The following FOXN3 variants were observed in gnomAD, a reference collection of about 807,000 sequenced individuals.
FOXN3 encodes forkhead box protein N3.
A neutral mutation model predicts 38.4 loss-of-function variants in FOXN3; 7 were observed. The observed-to-expected ratio is 0.18, with a 90% CI of 0.10 to 0.34. The LOEUF (loss-of-function observed/expected upper bound fraction) is 0.34. Ranked by LOEUF, FOXN3 falls within the 10% of genes least tolerant of loss-of-function variation. The pLI is 1.00. For missense variants in FOXN3, 456 were observed against 613.4 expected (o/e 0.74, Z 2.71); for synonymous variants, 230 against 242.2 (o/e 0.95, Z 0.47).
In FOXN3 at chr14:89,566,926, C is replaced by T. The variant is rs1304848345; in HGVS notation, c.-15+52102G>A. Among the ~76,000 whole-genome samples the T allele has an allele frequency of 3.3e-5, 5 of 151,952 alleles. No individual in the cohort carries two copies. In the East Asian group the frequency reaches 9.6e-4, roughly 29 times the overall value. ...TCCTTCTCCCCTCTTCCTCCTCCTC[C>T]CTTGCCTTTTTTCCTCTAAGGTGGG... On this transcript the variant is annotated intron_variant, in intron 1 of 6. Coordinates refer to the FOXN3 transcript ENST00000345097.
At chr14:89,308,898 A>G (rs1362770829) in intron 3 of FOXN3, among the ~76,000 whole-genome samples, 1 of 152,152 alleles carries the variant, frequency 6.6e-6, no homozygotes, top group South Asian at 2.1e-4. Flanking sequence ...AATGGAACCC[A>G]GGCAGAGGAG....
chr14:89,277,868 C>T (rs1304581608), intron 4 of FOXN3, among the ~76,000 whole-genome samples: 1 of 152,194 alleles, frequency 6.6e-6, no homozygotes, highest in African/African-American at 2.4e-5. Context: ...AGGTTCCGCG[C>T]TGTTGCTATG....
rs577961671 is a variant in FOXN3 at position 89,475,430 on chromosome 14, A to G, written c.-14-62940T>C. Among the ~76,000 whole-genome samples the G allele has an allele frequency of 3.3e-5, 5 of 152,128 alleles. No individual in the cohort carries two copies. In the South Asian group the frequency reaches 1.0e-3, roughly 32 times the overall value. ...CAGCACATTGGGAGGCTGAGGTGGG[A>G]GGATTGCTTGAGCTCAGGAGTTCAA... On this transcript the variant is annotated intron_variant, in intron 1 of 6. Coordinates refer to the FOXN3 transcript ENST00000345097.
At chr14:89,194,522 T>C (rs1207513381) in intron 4 of FOXN3, among the ~76,000 whole-genome samples, 1 of 152,138 alleles carries the variant, frequency 6.6e-6, no homozygotes, top group Non-Finnish European at 1.5e-5. Context: ...CTGGACTCTC[T>C]GCTAGAACGT....
At chr14:89,364,098 G>C (rs2140047139) in intron 2 of FOXN3, among the ~76,000 whole-genome samples, 1 of 149,054 alleles carries the variant, frequency 6.7e-6, no homozygotes, top group East Asian at 1.9e-4. Flanking sequence ...TTGGGGAAAT[G>C]TTTACACTTC....
At chr14:89,424,467 G>A (rs1318892270) in intron 1 of FOXN3, among the ~76,000 whole-genome samples, 2 of 152,162 alleles carry the variant, frequency 1.3e-5, no homozygotes, top group Non-Finnish European at 2.9e-5. Context: ...GTGTTATGAG[G>A]TCTATTGTCT....
At chr14:89,398,400 A>G (rs1350765969) in intron 2 of FOXN3, among the ~76,000 whole-genome samples, 1 of 152,186 alleles carries the variant, frequency 6.6e-6, no homozygotes, top group Non-Finnish European at 1.5e-5. Context: ...TAGAGTTCAT[A>G]ATTTCTGGTA....
rs1470333377 is a variant in FOXN3, at chr14:89,160,193, T to C, written c.*2221A>G. ...CACTTGGATGGAAGATCATATTCTT[T>C]TAGAGATTTCTCTTTGTACCCCCGC... On this transcript the variant is annotated 3_prime_UTR_variant, in exon 6 of 6. Transcript: ENST00000557258. 6.6e-6 allele frequency: 1 copy of C among 151,788 alleles called. No individual in the cohort carries two copies. Among genetic ancestry groups the C allele is most frequent in the Admixed American group, 6.6e-5 (1 of 15,246 alleles). The allele number at this position is 151,788 out of a possible 1,614,324, so 9.4% of individuals were successfully genotyped here. A position where few individuals can be genotyped will look rare whatever the true frequency, so the allele number is the denominator to read the frequency against.
rs1028994512 is a variant in FOXN3 at position 89,162,025 on chromosome 14, T to C, written c.*389A>G. 1.8e-5 allele frequency: 3 copies of C among 164,518 alleles called. No homozygotes were observed. Among genetic ancestry groups the C allele is most frequent in the African/African-American group, 7.2e-5 (3 of 41,650 alleles). The allele number at this position is 164,518 out of a possible 1,614,324, so 10.2% of individuals were successfully genotyped here. A position where few individuals can be genotyped will look rare whatever the true frequency, so the allele number is the denominator to read the frequency against. On this transcript the variant is annotated 3_prime_UTR_variant, in exon 6 of 6. Transcript: ENST00000557258. This position sits in a 1 kb window ranked among gnomAD's most constrained non-coding sequence, Gnocchi z 7.2. ...CTGAACGATGATTACTTTGCCCACG[T>C]GCCTTCTAGGTGCCGAATGTGTGTT...
upstream of FOXN3, chr14:89,419,822 G>A (rs1566649971): frequency 2.0e-5 from 3 of 152,274 alleles, no homozygotes; most frequent in African/African-American, 7.2e-5. Context: ...AGAGCAGCAT[G>A]GCTATTTATG....
intron 1 of FOXN3, among the ~76,000 whole-genome samples, chr14:89,433,889 A>G (rs892670616): frequency 6.6e-6 from 1 of 151,306 alleles, no homozygotes. Flanking sequence ...ATCCAGGGCA[A>G]TGGTCACACA....
At chr14:89,575,251 C>CT (rs1895583877) in intron 1 of FOXN3, among the ~76,000 whole-genome samples, 1 of 152,162 alleles carries the variant, frequency 6.6e-6, no homozygotes, top group African/African-American at 2.4e-5. Flanking sequence ...TAAGATCACT[C>CT]TAAGATGACC....
At chr14:89,290,353 A>T in intron 3 of FOXN3, 3 of 376,928 alleles carry the variant, frequency 8.0e-6, no homozygotes. Flanking sequence ...CGAGTTAGGT[A>T]TGTGTGGCAA....
At chr14:89,566,057 CT>C (rs1462269076) in intron 1 of FOXN3, among the ~76,000 whole-genome samples, 1 of 152,222 alleles carries the variant, frequency 6.6e-6, no homozygotes, top group Non-Finnish European at 1.5e-5. Context: ...ATATCACTTA[CT>C]TTTCATCTCA....
intron 1 of FOXN3, among the ~76,000 whole-genome samples, chr14:89,511,435 G>A (rs1302053772): frequency 6.6e-6 from 1 of 151,434 alleles, no homozygotes; most frequent in Non-Finnish European, 1.5e-5. Context: ...TAGGACTACA[G>A]GCGTGCACTA....
chr14:89,300,461 C>T (rs376274567), intron 3 of FOXN3, among the ~76,000 whole-genome samples: 2 of 152,156 alleles, frequency 1.3e-5, no homozygotes, highest in African/African-American at 4.8e-5. Context: ...GGTTTACAGG[C>T]GTGAGCCACT....
At chr14:89,494,670 G>A (rs1046303789) in intron 1 of FOXN3, among the ~76,000 whole-genome samples, 1 of 152,218 alleles carries the variant, frequency 6.6e-6, no homozygotes, top group African/African-American at 2.4e-5. Context: ...GGCAGAGGGA[G>A]GCCTTGCAAA....
chr14:89,182,698 C>T (rs1480139939), intron 4 of FOXN3, among the ~76,000 whole-genome samples: 1 of 152,152 alleles, frequency 6.6e-6, no homozygotes, highest in African/African-American at 2.4e-5. Context: ...TTTATATTAC[C>T]TAATTTATCT....
intron 1 of FOXN3, among the ~76,000 whole-genome samples, chr14:89,519,529 G>A (rs8013445): frequency 0.097 from 14,657 of 151,210 alleles, 2,294 homozygotes; most frequent in African/African-American, 0.33. Context: ...ATTTTAGGAA[G>A]TTTGGGCAAA....
Sources: allele counts gnomAD v4.1 joint callset (sites outside exome capture counted in the v4.1 genomes callset), GRCh38; gene constraint gnomAD v4.1.1; non-coding constraint Gnocchi (gnomAD v3.1); transcripts MANE v1.5; gene names NCBI Gene and HGNC (gene_info 2026-07-23, HGNC 2026-07-21).